Variants in RPN2 observed in about 807,000 individuals in gnomAD.
RPN2 encodes the protein dolichyl-diphosphooligosaccharide--protein glycosyltransferase subunit 2.
A neutral mutation model predicts 71.4 loss-of-function variants in RPN2; 29 were observed. The ratio of observed to expected loss-of-function variants is 0.41; its 90% CI spans 0.30 to 0.55. The LOEUF (loss-of-function observed/expected upper bound fraction) is 0.55, where lower values mean the gene tolerates loss of function less well. Among genes scored for constraint, RPN2 ranks in the 20% least tolerant of loss-of-function variants. The pLI is 0.35. For synonymous variants in RPN2, 308 were observed against 305.0 expected (o/e 1.01, Z -0.10); for missense variants, 726 against 774.1 (o/e 0.94, Z 0.74).
chr20:37,179,454 TC>T, intron 1 of RPN2, 85 bp downstream of exon 1: 1 of 1,420,626 alleles, frequency 7.0e-7, no homozygotes. Flanking sequence ...CCAGGCGGGA[TC>T]CCCTTCCCCT....
intron 15 of RPN2, among the ~76,000 whole-genome samples, chr20:37,235,995 C>T (rs2068376388): frequency 6.6e-6 from 1 of 151,932 alleles, no homozygotes; most frequent in South Asian, 2.1e-4. Context: ...AAAATGAATG[C>T]CAAGTATAAC....
chr20:37,194,634 T>C (rs1286632111), intron 2 of RPN2, among the ~76,000 whole-genome samples: 4 of 152,224 alleles, frequency 2.6e-5, no homozygotes, highest in Admixed American at 6.5e-5. Flanking sequence ...GACGAGGTAA[T>C]GGGCTTCCAG....
At chr20:37,218,022 A>G (rs935399195) in intron 9 of RPN2, among the ~76,000 whole-genome samples, 9 of 152,164 alleles carry the variant, frequency 5.9e-5, no homozygotes, top group Admixed American at 5.2e-4. Flanking sequence ...ACAGATGTGA[A>G]CCACTAGGCC....
chr20:37,201,605 A>G (rs112037599), intron 4 of RPN2, among the ~76,000 whole-genome samples: 6 of 152,320 alleles, frequency 3.9e-5, no homozygotes, highest in Admixed American at 1.3e-4. Flanking sequence ...ACTGTGTTCA[A>G]ATCCATTCTT....
intron 2 of RPN2, among the ~76,000 whole-genome samples, chr20:37,188,620 C>CTTTTTTTTTTTTTTTTT (rs11479251): frequency 7.0e-6 from 1 of 143,108 alleles, no homozygotes; most frequent in African/African-American, 2.6e-5. Flanking sequence ...CAATTGGTGT[C>CTTTTTTTTTTTTTTTTT]TTTTTTTTTT....
At chr20:37,193,348 A>G (rs2067187499) in intron 2 of RPN2, among the ~76,000 whole-genome samples, 3 of 152,096 alleles carry the variant, frequency 2.0e-5, no homozygotes, top group African/African-American at 7.2e-5. Flanking sequence ...GACGAAGGAG[A>G]GAAGGGACTT....
chr20:37,203,361 C>CTT (rs11348988), intron 4 of RPN2, among the ~76,000 whole-genome samples: 94 of 138,126 alleles, frequency 6.8e-4, no homozygotes, highest in East Asian at 3.5e-3. Context: ...TTGCTTCAAT[C>CTT]TTTTTTTTTT....
chr20:37,237,340 G>A (rs546900039), intron 16 of RPN2, among the ~76,000 whole-genome samples: 5 of 152,316 alleles, frequency 3.3e-5, no homozygotes, highest in African/African-American at 1.2e-4. Context: ...TGTCACAAAG[G>A]TGTTTCTCAT....
intron 16 of RPN2, among the ~76,000 whole-genome samples, chr20:37,237,894 C>T (rs780552245): frequency 1.3e-5 from 2 of 152,126 alleles, no homozygotes; most frequent in Non-Finnish European, 2.9e-5. Flanking sequence ...GTTGCTCACT[C>T]GAGAAGAATG....
chr20:37,221,475 G>A (rs1338688637), intron 9 of RPN2, among the ~76,000 whole-genome samples: 1 of 152,164 alleles, frequency 6.6e-6, no homozygotes, highest in African/African-American at 2.4e-5. Flanking sequence ...TGGGATTACA[G>A]GCGTGAGCCA....
intron 2 of RPN2, among the ~76,000 whole-genome samples, chr20:37,194,378 CAGCCTCCCAAGT>C (rs1283194983): frequency 1.3e-5 from 2 of 152,298 alleles, no homozygotes; most frequent in South Asian, 2.1e-4. Context: ...TCTTCTACCT[CAGCCTCCCAAGT>C]AGCTGGGACT....
chr20:37,209,698 T>G (rs1476135732), intron 7 of RPN2, among the ~76,000 whole-genome samples: 1 of 151,808 alleles, frequency 6.6e-6, no homozygotes, highest in African/African-American at 2.4e-5. Context: ...CCCACGCTGT[T>G]CTTGAACTCT....
chr20:37,213,462 G>T (rs1240895258), intron 8 of RPN2, among the ~76,000 whole-genome samples: 19 of 152,120 alleles, frequency 1.2e-4, no homozygotes, highest in Non-Finnish European at 1.5e-5. Context: ...GATGGTGCAT[G>T]CCTGCTGTCC....
intron 9 of RPN2, among the ~76,000 whole-genome samples, chr20:37,216,908 T>C (rs781019318): frequency 9.3e-5 from 14 of 151,068 alleles, no homozygotes; most frequent in Non-Finnish European, 1.6e-4. Context: ...TGTTTGTTTA[T>C]ATGCATTGCT....
At chr20:37,215,740 G>A (rs1048748711) in intron 9 of RPN2, among the ~76,000 whole-genome samples, 2 of 151,832 alleles carry the variant, frequency 1.3e-5, no homozygotes, top group East Asian at 1.9e-4. Context: ...CTCCATATTC[G>A]TACCAATATT....
chr20:37,217,507 G>A (rs1421016285), intron 9 of RPN2, among the ~76,000 whole-genome samples: 1 of 151,654 alleles, frequency 6.6e-6, no homozygotes, highest in Non-Finnish European at 1.5e-5. Flanking sequence ...TGGCCAGGAT[G>A]GTCTTGATCT....
chr20:37,229,105 A>G (rs2068163990), intron 12 of RPN2, among the ~76,000 whole-genome samples: 1 of 152,254 alleles, frequency 6.6e-6, no homozygotes, highest in African/African-American at 2.4e-5. Flanking sequence ...GATATGGCAT[A>G]GCTCATGGGA....
intron 16 of RPN2, among the ~76,000 whole-genome samples, chr20:37,239,147 AG>A (rs2068484946): frequency 6.6e-6 from 1 of 152,172 alleles, no homozygotes; most frequent in African/African-American, 2.4e-5. Context: ...GTCTGGCAAA[AG>A]TTTTCTGTAA....
intron 11 of RPN2, 29 bp from the exon 12 acceptor site, chr20:37,228,521 A>T: frequency 6.2e-7 from 1 of 1,601,790 alleles, no homozygotes; most frequent in East Asian, 2.2e-5. Context: ...AAATTATCAG[A>T]TGAAAGATTG....
Sources: gnomAD v4.1 joint callset for allele counts (sites outside exome capture counted in the v4.1 genomes callset) on GRCh38, gnomAD v4.1.1 for gene constraint, MANE v1.5 for transcripts, NCBI Gene and HGNC (gene_info 2026-07-23, HGNC 2026-07-21) for gene names.